The following TET1 variants were observed in gnomAD, a reference collection of about 807,000 sequenced individuals.
TET1 encodes methylcytosine dioxygenase TET1.
TET1 carries 13 observed loss-of-function variants against 148.7 expected under a neutral mutation model. That is an observed-to-expected ratio of 0.09 (90% CI 0.06 to 0.14). TET1 has a LOEUF of 0.14. TET1 is among the 10% of genes least tolerant of loss of function. TET1 has a pLI of 1.00. For missense variants in TET1, 2,182 were observed against 2,553.8 expected (o/e 0.85, Z 3.14); for synonymous variants, 907 against 937.2 (o/e 0.97, Z 0.59).
Position 68,646,062 on chromosome 10 carries a change from T to G in TET1, c.3333T>G (p.Asn1111Lys), listed in dbSNP as rs775491775. ...ESTPTSLVTCNVQQKYNQEKG... is the reference protein window; with the variant it reads ...ESTPTSLVTCKVQQKYNQEKG... The stretch of plus-strand genomic sequence containing the variant: ...CACCAACAAGCCTTGTCACATGTAA[T>G]GTACAGCAAAAATACAATCAGGAGA... Residue 1111 changes from asparagine to lysine, a missense_variant, in exon 4 of 12, where the codon AAT (asparagine) becomes AAG (lysine). Asn to Lys is a moderately conservative substitution (Grantham distance 94, BLOSUM62 0). Around this residue, in one of 11 missense-constraint regions of TET1, gnomAD observed 582 missense variants for 599.5 expected, o/e 0.97. Transcript: ENST00000373644. 3.1e-6 allele frequency: 5 copies of G among 1,614,058 alleles called. No individual in the cohort carries two copies. Among genetic ancestry groups the G allele is most frequent in the South Asian group, 1.1e-5 (1 of 91,082 alleles).
chr10:68,572,348 T>A lies in TET1; in HGVS notation c.10T>A (p.Ser4Thr), dbSNP rs1297376295. MSR[S>T]RHARPSRLVR... is the part of the protein sequence containing the mutation. ...TTCCTACTCTGTAGCTATGTCTCGA[T>A]CCCGCCATGCAAGGCCTTCCAGATT... Residue 4 changes from serine to threonine, a missense_variant, in exon 2 of 12, where the codon TCC (serine) becomes ACC (threonine). By Grantham distance (58) the Ser-to-Thr change is moderately conservative (BLOSUM62 1). Around this residue, in one of 11 missense-constraint regions of TET1, gnomAD observed 665 missense variants for 672.4 expected, o/e 0.99. Transcript: ENST00000373644. The A allele has an allele frequency of 6.3e-7, 1 of 1,599,238 alleles. No individual in the cohort carries two copies. The highest frequency in any genetic ancestry group is 1.4e-5 in the African/African-American group (1 of 73,410).
chr10:68,569,166 C>CTTGTTT (rs2053639267), intron 1 of TET1, among the ~76,000 whole-genome samples: 1 of 69,766 alleles, frequency 1.4e-5, no homozygotes, highest in African/African-American at 5.8e-5. Context: ...AGGAGAGTTT[C>CTTGTTT]TTTTTTTTTT....
chr10:68,646,096 A>G lies in TET1; in HGVS notation c.3367A>G (p.Ile1123Val), dbSNP rs1397637603. The G allele has an allele frequency of 1.9e-6, 3 of 1,614,114 alleles. No homozygotes were observed. The highest frequency in any genetic ancestry group is 2.2e-5 in the East Asian group (1 of 44,876). ...AAAATACAATCAGGAGAAGGGCACAATACAACAGAAACCACCTTCAAGTGT... is the reference window on the plus strand; with the variant it reads ...AAAATACAATCAGGAGAAGGGCACAGTACAACAGAAACCACCTTCAAGTGT... ...QQKYNQEKGT[I>V]QQKPPSSVHN... Residue 1123 changes from isoleucine (I) to valine (V), a missense_variant, in exon 4 of 12, where the codon ATA (isoleucine) becomes GTA (valine). By Grantham distance (29) the Ile-to-Val change is conservative. Coordinates refer to ENST00000373644, the MANE Select transcript of TET1 (RefSeq NM_030625.3).
At chr10:68,610,412 T>A (rs553318360) in intron 3 of TET1, among the ~76,000 whole-genome samples, 1 of 149,810 alleles carries the variant, frequency 6.7e-6, no homozygotes, top group East Asian at 2.0e-4. Context: ...TGAAACCCCA[T>A]CTCTACTAAA....
Position 68,672,981 on chromosome 10 carries a change from G to C in TET1, c.4760G>C (p.Gly1587Ala). 6.2e-7 allele frequency: 1 copy of C among 1,612,458 alleles called. No individual in the cohort carries two copies. The highest frequency in any genetic ancestry group is 8.5e-7 in the Non-Finnish European group (1 of 1,178,878). ...FGCSWSMYFN[G>A]CKFGRSPSPR... Reference sequence around the variant, plus strand: ...TGTTCATGGAGTATGTACTTTAATGGCTGTAAGTTTGGTAGAAGCCCAAGC... The same window carrying C: ...TGTTCATGGAGTATGTACTTTAATGCCTGTAAGTTTGGTAGAAGCCCAAGC... Residue 1587 changes from glycine (G) to alanine (A), a missense_variant, in exon 8 of 12, where the codon GGC (glycine) becomes GCC (alanine). Around this residue, in one of 11 missense-constraint regions of TET1, gnomAD observed 55 missense variants for 149.8 expected, o/e 0.37. Coordinates refer to ENST00000373644, the MANE Select transcript of TET1 (RefSeq NM_030625.3).
At chr10:68,643,261 C>CAAAAAAAAAAAAAAAAAAAAAAA (rs59820865) in intron 3 of TET1, among the ~76,000 whole-genome samples, 1 of 91,858 alleles carries the variant, frequency 1.1e-5, no homozygotes, top group African/African-American at 4.8e-5. Flanking sequence ...GACCCTGTCT[C>CAAAAAAAAAAAAAAAAAAAAAAA]AAAAAAAAAA....
At chr10:68,686,822 A>G (rs1366073694) in intron 11 of TET1, 115 bp downstream of exon 11, 21 of 953,926 alleles carry the variant, frequency 2.2e-5, no homozygotes, top group Non-Finnish European at 3.2e-5. Flanking sequence ...ATATTTTTAC[A>G]TATACCAGAA....
chr10:68,672,881 T>C lies in TET1; in HGVS notation c.4674-14T>C. On this transcript the variant is annotated splice_polypyrimidine_tract_variant and intron_variant, in intron 7 of 11. Coordinates refer to ENST00000373644, the MANE Select transcript of TET1 (RefSeq NM_030625.3). Reference sequence around the variant, plus strand: ...TGCTTCATCAATTCACTCTCTTGAATTACAATCTTACAGTCGTACCTGTAC... The same window carrying C: ...TGCTTCATCAATTCACTCTCTTGAACTACAATCTTACAGTCGTACCTGTAC... 1.3e-6 allele frequency: 2 copies of C among 1,596,560 alleles called. No individual in the cohort carries two copies.
chr10:68,663,242 G>A (rs1209034087), intron 6 of TET1, among the ~76,000 whole-genome samples: 8 of 152,150 alleles, frequency 5.3e-5, no homozygotes, highest in African/African-American at 1.9e-4. Flanking sequence ...AGAGATTTGT[G>A]GCTAGACATT....
chr10:68,690,478 G>GTGT (rs2055574553), intron 11 of TET1, among the ~76,000 whole-genome samples: 1 of 152,136 alleles, frequency 6.6e-6, no homozygotes, highest in Non-Finnish European at 1.5e-5. Flanking sequence ...CGTGGTGGCA[G>GTGT]GCGCCTGTAG....
In TET1 at chr10:68,573,928, A is replaced by C; in HGVS notation, c.1590A>C (p.Ile530=). ...ERGLFHASLG[I]AQLSQAGPSK... Reference sequence around the variant, plus strand: ...GACTCTTCCATGCTTCACTGGGTATAGCCCAACTCTCTCAGGCTGGTCCTA... The same window carrying C: ...GACTCTTCCATGCTTCACTGGGTATCGCCCAACTCTCTCAGGCTGGTCCTA... Residue 530 remains isoleucine (I), a synonymous_variant, in exon 2 of 12, where the codon ATA becomes ATC. Coordinates refer to ENST00000373644, the MANE Select transcript of TET1 (RefSeq NM_030625.3). 4.3e-6 allele frequency: 7 copies of C among 1,614,206 alleles called. No individual in the cohort carries two copies. The South Asian group carries it at 6.6e-5, about 15-fold the overall frequency.
At chr10:68,643,189 G>A (rs1008576403) in intron 3 of TET1, among the ~76,000 whole-genome samples, 2 of 149,458 alleles carry the variant, frequency 1.3e-5, no homozygotes, top group Admixed American at 1.3e-4. Flanking sequence ...CTAAGCCTGG[G>A]AGGTTGAAGC....
chr10:68,569,419 C>G (rs181798346), intron 1 of TET1, among the ~76,000 whole-genome samples: 1 of 152,012 alleles, frequency 6.6e-6, no homozygotes, highest in East Asian at 1.9e-4. Context: ...CGTGATCCGC[C>G]CACCTCGGCC....
chr10:68,666,293 TA>T (rs899909964), intron 6 of TET1, among the ~76,000 whole-genome samples: 1 of 152,192 alleles, frequency 6.6e-6, no homozygotes, highest in Non-Finnish European at 1.5e-5. Context: ...GTCTTATGAA[TA>T]AAATGCATAT....
chr10:68,666,254 G>A (rs2055194220), intron 6 of TET1, among the ~76,000 whole-genome samples: 1 of 137,238 alleles, frequency 7.3e-6, no homozygotes. Context: ...TTTCTATTTT[G>A]CATTCACCAA....
chr10:68,691,497 C>T lies in TET1; in HGVS notation c.6094C>T (p.Pro2032Ser). Residue 2032 changes from proline to serine, a missense_variant, in exon 12 of 12, where the codon CCT (proline) becomes TCT (serine). Physicochemically the swap from Pro to Ser is moderately conservative, Grantham distance 74. Around this residue, in one of 11 missense-constraint regions of TET1, gnomAD observed 20 missense variants for 23.9 expected, o/e 0.84. Transcript: ENST00000373644. This position sits in a 1 kb window ranked among gnomAD's most constrained non-coding sequence, Gnocchi z 4.4. Reference protein sequence around the residue: ...CARRELHATTPVEHPNRNHPT... With the variant: ...CARRELHATTSVEHPNRNHPT... ...CCGGCGAGAGCTGCACGCTACCACT[C>T]CTGTTGAGCACCCCAACCGTAATCA... is the stretch of plus-strand genomic sequence containing the variant. 1.2e-6 allele frequency: 2 copies of T among 1,614,060 alleles called. No homozygotes were observed. The highest frequency in any genetic ancestry group is 4.5e-5 in the East Asian group (2 of 44,868).
At chr10:68,631,050 G>A (rs2054561839) in intron 3 of TET1, among the ~76,000 whole-genome samples, 2 of 152,090 alleles carry the variant, frequency 1.3e-5, no homozygotes, top group South Asian at 4.1e-4. Flanking sequence ...GATGGTGTGT[G>A]CCTGTATTCC....
chr10:68,605,669 C>A (rs1175272466), intron 3 of TET1, among the ~76,000 whole-genome samples: 1 of 152,114 alleles, frequency 6.6e-6, no homozygotes, highest in African/African-American at 2.4e-5. Context: ...TGTGCCACCA[C>A]GCCCAGCTAA....
At position 68,644,866 on chromosome 10, in the gene TET1, A is replaced by G; in HGVS notation, c.2137A>G (p.Asn713Asp). The G allele has an allele frequency of 1.2e-6, 2 of 1,613,738 alleles. No homozygotes were observed. Among genetic ancestry groups the G allele is most frequent in the South Asian group, 2.2e-5 (2 of 90,956 alleles). Residue 713 changes from asparagine to aspartate, a missense_variant, in exon 4 of 12, where the codon AAC becomes GAC. Coordinates refer to ENST00000373644, the MANE Select transcript of TET1 (RefSeq NM_030625.3). ...TGIEVEKWTQ[N>D]KKSQLTDHVK... ...CATCGAGGTGGAGAAGTGGACACAA[A>G]ACAAGAAATCACAGTTAACTGATCA...
Sources: gnomAD v4.1 joint callset for allele counts (sites outside exome capture counted in the v4.1 genomes callset) on GRCh38, gnomAD v4.1.1 for gene constraint, gnomAD v4.1.1 regional missense constraint, Gnocchi (gnomAD v3.1) non-coding constraint, MANE v1.5 for transcripts, NCBI Gene and HGNC (gene_info 2026-07-23, HGNC 2026-07-21) for gene names.